The following PTPRT variants were observed in gnomAD, a reference collection of about 807,000 sequenced individuals.
The protein encoded by PTPRT is receptor-type tyrosine-protein phosphatase T.
PTPRT carries 56 observed loss-of-function variants against 176.8 expected under a neutral mutation model. That is an observed-to-expected ratio of 0.32 (90% CI 0.26 to 0.40). The LOEUF (loss-of-function observed/expected upper bound fraction) is 0.40. PTPRT is among the 10% of genes least tolerant of loss of function. PTPRT has a pLI of 1.00. For missense variants in PTPRT, 1,540 were observed against 1,908.2 expected, an observed-to-expected ratio of 0.81 and a Z score of 3.60; for synonymous variants, 783 against 739.0, an observed-to-expected ratio of 1.06 and a Z score of -0.96.
At chr20:42,567,763 G>A (rs990658364) in intron 7 of PTPRT, among the ~76,000 whole-genome samples, 5 of 152,198 alleles carry the variant, frequency 3.3e-5, no homozygotes, top group Non-Finnish European at 7.3e-5. Flanking sequence ...CAGTTGCAAA[G>A]TATTTATTGA....
intron 9 of PTPRT, among the ~76,000 whole-genome samples, chr20:42,386,837 G>A (rs991282930): frequency 4.6e-5 from 7 of 152,104 alleles, no homozygotes; most frequent in African/African-American, 1.7e-4. Context: ...TCCAGCCTGG[G>A]CGACAGAGTG....
At chr20:42,350,909 A>G (rs1162865473) in intron 10 of PTPRT, among the ~76,000 whole-genome samples, 179 bp from the exon 11 acceptor site, 1 of 152,214 alleles carries the variant, frequency 6.6e-6, no homozygotes, top group African/African-American at 2.4e-5. Context: ...CAACCTGCCC[A>G]TAGTAGGTTT....
At chr20:42,941,045 G>A (rs969616075) in intron 1 of PTPRT, among the ~76,000 whole-genome samples, 4 of 151,520 alleles carry the variant, frequency 2.6e-5, no homozygotes, top group African/African-American at 7.3e-5. Context: ...TCATGCCACT[G>A]CACTCCAGCC....
At chr20:42,380,345 A>T (rs1054534968) in intron 9 of PTPRT, among the ~76,000 whole-genome samples, 1 of 151,920 alleles carries the variant, frequency 6.6e-6, no homozygotes, top group African/African-American at 2.4e-5. Flanking sequence ...ACTGACTGGT[A>T]GGCTATGCAG....
At chr20:42,164,048 G>A (rs1276042894) in intron 16 of PTPRT, among the ~76,000 whole-genome samples, 1 of 152,252 alleles carries the variant, frequency 6.6e-6, no homozygotes, top group East Asian at 1.9e-4. Flanking sequence ...AGGTATGGAT[G>A]CTGCATACCT....
intron 1 of PTPRT, 118 bp from the exon 2 acceptor site, chr20:42,886,050 C>CACAT: frequency 5.9e-6 from 2 of 338,828 alleles, no homozygotes; most frequent in Non-Finnish European, 4.6e-6. Context: ...GAAGATTTTC[C>CACAT]ATATATATAT....
chr20:42,868,144 A>G (rs2078782511), intron 2 of PTPRT, among the ~76,000 whole-genome samples: 1 of 152,216 alleles, frequency 6.6e-6, no homozygotes, highest in South Asian at 2.1e-4. Context: ...TTCATGCTGC[A>G]AAGAGTCTAG....
chr20:42,604,295 C>A (rs1484920568), intron 7 of PTPRT, among the ~76,000 whole-genome samples: 1 of 152,144 alleles, frequency 6.6e-6, no homozygotes, highest in Non-Finnish European at 1.5e-5. Context: ...TTTGTCTTCC[C>A]CTTCCTCTCT....
At chr20:42,695,128 C>CATATGT (rs2075854712) in intron 6 of PTPRT, among the ~76,000 whole-genome samples, 1 of 152,182 alleles carries the variant, frequency 6.6e-6, no homozygotes, top group Non-Finnish European at 1.5e-5. Flanking sequence ...AGACATTAGT[C>CATATGT]CTTTGTCATA....
chr20:43,064,228 A>T (rs946843961), intron 1 of PTPRT, among the ~76,000 whole-genome samples: 1 of 152,114 alleles, frequency 6.6e-6, no homozygotes, highest in African/African-American at 2.4e-5. Flanking sequence ...CTGGTCCATG[A>T]AAACCTCCTA....
intron 11 of PTPRT, among the ~76,000 whole-genome samples, chr20:42,350,288 G>A (rs974617141): frequency 5.5e-5 from 8 of 146,748 alleles, no homozygotes; most frequent in African/African-American, 2.0e-4. Context: ...GAGTGCAGTG[G>A]CATGATCACA....
At chr20:42,370,346 C>G (rs760835069) in intron 9 of PTPRT, among the ~76,000 whole-genome samples, 1 of 152,184 alleles carries the variant, frequency 6.6e-6, no homozygotes, top group Non-Finnish European at 1.5e-5. Flanking sequence ...AGGTGTCAAG[C>G]CTTCCCCTTG....
In PTPRT at chr20:42,107,510, C is replaced by G. The variant is rs1600524824; in HGVS notation, c.3255-589G>C. On this transcript the variant is annotated intron_variant, in intron 23 of 30. Transcript: ENST00000373187. ...GATACATACTTACTTGATTTCTGGT[C>G]ACTAGTGGCTTCTTTAGGAGAATCT... Among the ~76,000 whole-genome samples, 4 of 152,318 alleles carry G rather than the reference C, an allele frequency of 2.6e-5. No homozygotes were observed. In the South Asian group the frequency reaches 8.3e-4, roughly 32 times the overall value.
At chr20:42,546,646 C>T (rs891907936) in intron 7 of PTPRT, among the ~76,000 whole-genome samples, 2 of 152,260 alleles carry the variant, frequency 1.3e-5, no homozygotes, top group East Asian at 1.9e-4. Flanking sequence ...AGCTTAATCA[C>T]GTCTAGCTTT....
chr20:42,781,888 C>T (rs967327094), intron 3 of PTPRT, among the ~76,000 whole-genome samples: 8 of 152,172 alleles, frequency 5.3e-5, no homozygotes, highest in Non-Finnish European at 1.5e-5. Flanking sequence ...AGGTTCAAGT[C>T]CTGGCTGTGC....
At chr20:42,583,056 T>TCC (rs2073405449) in intron 7 of PTPRT, among the ~76,000 whole-genome samples, 1 of 152,140 alleles carries the variant, frequency 6.6e-6, no homozygotes, top group Admixed American at 6.5e-5. Flanking sequence ...ACATGAAGGC[T>TCC]CCCTTTCCTT....
chr20:42,426,194 G>A (rs892980323), intron 9 of PTPRT, among the ~76,000 whole-genome samples: 5 of 152,018 alleles, frequency 3.3e-5, no homozygotes, highest in African/African-American at 1.2e-4. Flanking sequence ...ATGCCCAAAT[G>A]TGGCCTTTTG....
At chr20:42,328,608 A>G (rs1247958999) in intron 11 of PTPRT, among the ~76,000 whole-genome samples, 2 of 152,178 alleles carry the variant, frequency 1.3e-5, no homozygotes, top group African/African-American at 2.4e-5. Flanking sequence ...CACTCATTTT[A>G]AAAGAGTCAT....
intron 6 of PTPRT, among the ~76,000 whole-genome samples, chr20:42,693,480 A>C (rs2075822688): frequency 6.6e-6 from 1 of 152,228 alleles, no homozygotes; most frequent in Non-Finnish European, 1.5e-5. Flanking sequence ...ACAATAATTA[A>C]GAAAATGAGG....
Sources: allele counts gnomAD v4.1 joint callset (sites outside exome capture counted in the v4.1 genomes callset), GRCh38; gene constraint gnomAD v4.1.1; transcripts MANE v1.5; gene names NCBI Gene and HGNC (gene_info 2026-07-23, HGNC 2026-07-21).